AWAT1: variants seen among roughly 807,000 people sequenced by gnomAD.
AWAT1 encodes the protein diacyl-glycerol acyltransferase 2.
AWAT1 carries 26 observed loss-of-function variants against 21.6 expected under a neutral mutation model. The observed-to-expected ratio is 1.20, with a 90% confidence interval of 0.88 to 1.67. AWAT1 has a LOEUF of 1.67. Among genes scored for constraint, AWAT1 ranks in the 40% most tolerant of loss-of-function variants. The pLI is 0.00. For synonymous variants in AWAT1, 102 were observed against 99.3 expected (o/e 1.03, Z -0.16); for missense variants, 264 against 249.4 (o/e 1.06, Z -0.39).
At chrX:70,239,186 T>C (rs1165122047) in intron 5 of AWAT1, among the ~76,000 whole-genome samples, 1 of 112,588 alleles carries the variant, frequency 8.9e-6, no homozygotes, top group Admixed American at 9.4e-5. Flanking sequence ...TCTGAACCTG[T>C]ACTTCTGCAT....
At chrX:70,237,533 G>A (rs1024724138) in intron 4 of AWAT1, among the ~76,000 whole-genome samples, 28 of 109,915 alleles carry the variant, frequency 2.5e-4, no homozygotes, top group African/African-American at 9.3e-4. Context: ...GATGATGCAA[G>A]TAAAGAATTC....
chrX:70,237,323 C>T, intron 4 of AWAT1, 75 bp downstream of exon 4: 1 of 907,311 alleles, frequency 1.1e-6, no homozygotes, highest in African/African-American at 2.0e-5. Context: ...AATTCCATCC[C>T]CTCCTCCCCC....
chrX:70,237,919 G>GAA (rs375070493), intron 4 of AWAT1, among the ~76,000 whole-genome samples: 4 of 83,489 alleles, frequency 4.8e-5, no homozygotes, highest in African/African-American at 1.3e-4. Context: ...TGCTCTTAAT[G>GAA]AAAAAAAAAA....
chrX:70,238,089 T>C, intron 4 of AWAT1, 123 bp from the exon 5 acceptor site: 1 of 648,084 alleles, frequency 1.5e-6, no homozygotes, highest in Non-Finnish European at 2.3e-6. Flanking sequence ...CACTCTTTAG[T>C]CCCATCTCAT....
chrX:70,236,773 A>G (rs530137903), intron 3 of AWAT1, among the ~76,000 whole-genome samples: 1 of 111,831 alleles, frequency 8.9e-6, no homozygotes, highest in Middle Eastern at 4.6e-3. Context: ...GTGCTCATAG[A>G]CAATGATAAT....
intron 1 of AWAT1, among the ~76,000 whole-genome samples, chrX:70,235,404 A>G (rs1367343718): frequency 9.0e-6 from 1 of 110,570 alleles, no homozygotes; most frequent in East Asian, 2.8e-4. Context: ...AGACAAGAGG[A>G]AAAAGATGGT....
chrX:70,236,236 C>A, intron 3 of AWAT1, 97 bp downstream of exon 3: 1 of 701,597 alleles, frequency 1.4e-6, no homozygotes, highest in Non-Finnish European at 2.2e-6. Context: ...GATAAGTATC[C>A]CAGGGAAGTC....
In AWAT1 at chrX:70,235,706, C is replaced by T. The variant is rs2085511258; in HGVS notation, c.77-10C>T. ...CAGCACAAATTTGGTCTAACCTGGTCCCTCATCAGTTTGGATCTTGCAGCC... is the reference window on the plus strand; with the variant it reads ...CAGCACAAATTTGGTCTAACCTGGTTCCTCATCAGTTTGGATCTTGCAGCC... On this transcript the variant is annotated splice_polypyrimidine_tract_variant and intron_variant, in intron 1 of 6. Coordinates refer to ENST00000374521, the MANE Select transcript of AWAT1 (RefSeq NM_001013579.3). 1 of 1,196,842 alleles carries T rather than the reference C, an allele frequency of 8.4e-7. No homozygotes were observed. Among genetic ancestry groups the T allele is most frequent in the African/African-American group, 1.7e-5 (1 of 57,286 alleles).
rs745516238 is a variant in AWAT1, at chrX:70,236,235, C to T, written c.255+96C>T. 6.9e-4 allele frequency: 489 copies of T among 709,556 alleles called. 1 individual carries two copies. The highest frequency in any genetic ancestry group is 2.8e-3 in the Middle Eastern group (9 of 3,263). The allele number at this position is 709,556 out of a possible 1,213,427, so 58.5% of individuals were successfully genotyped here. The stretch of plus-strand genomic sequence containing the variant: ...AGTTGTCCATAAGGAAGATAAGTAT[C>T]CCAGGGAAGTCTCAGTCTATGCTAG... On this transcript the variant is annotated intron_variant, in intron 3 of 6. Transcript: ENST00000374521.
intron 3 of AWAT1, 91 bp from the exon 4 acceptor site, chrX:70,236,953 G>A (rs771164133): frequency 3.5e-6 from 3 of 849,212 alleles, no homozygotes; most frequent in Non-Finnish European, 5.1e-6. Flanking sequence ...CTCTGCTTTA[G>A]AGAGCACCCT....
chrX:70,236,871 CTTG>C, intron 3 of AWAT1, among the ~76,000 whole-genome samples, 170 bp from the exon 4 acceptor site: 1 of 111,940 alleles, frequency 8.9e-6, no homozygotes, highest in Non-Finnish European at 1.9e-5. Flanking sequence ...CAGATCCTAC[CTTG>C]TTGTCCAATG....
chrX:70,239,633 T>G (rs2085529468), intron 5 of AWAT1, 102 bp from the exon 6 acceptor site: 1 of 746,848 alleles, frequency 1.3e-6, no homozygotes, highest in Non-Finnish European at 2.1e-6. Flanking sequence ...GTCACCAGGA[T>G]TTCATCAAAA....
intron 4 of AWAT1, among the ~76,000 whole-genome samples, chrX:70,237,856 A>C (rs1246885659): frequency 2.0e-5 from 2 of 100,399 alleles, no homozygotes; most frequent in Non-Finnish European, 4.1e-5. Context: ...AAAAAAAAAA[A>C]GAATTCGACA....
intron 6 of AWAT1, 87 bp downstream of exon 6, chrX:70,240,021 G>A (rs2083089694): frequency 1.8e-6 from 2 of 1,138,353 alleles, no homozygotes; most frequent in East Asian, 6.0e-5. Flanking sequence ...GGCAGCAGAG[G>A]GGAAGGTGGG....
chrX:70,240,023 G>T (rs1281227847), intron 6 of AWAT1, 89 bp downstream of exon 6: 9 of 1,137,145 alleles, frequency 7.9e-6, no homozygotes, highest in Non-Finnish European at 4.8e-6. Context: ...CAGCAGAGGG[G>T]AAGGTGGGAG....
At position 70,238,333 on chromosome X, in the gene AWAT1, C is replaced by G; in HGVS notation, c.582C>G (p.Thr194=). The change falls in exon 5 of 7, where the codon ACC becomes ACG. Residue 194 remains threonine (T), a synonymous_variant. Coordinates refer to ENST00000374521, the MANE Select transcript of AWAT1 (RefSeq NM_001013579.3). ...EALQSVPNTT[T]LILQKRKGFV... is the part of the protein sequence containing the mutation. The stretch of plus-strand genomic sequence containing the variant: ...TGCAAAGTGTGCCCAACACCACCAC[C>G]CTCATCCTCCAGAAGCGCAAGGGGT... 8.3e-7 allele frequency: 1 copy of G among 1,208,808 alleles called. No homozygotes were observed. Among genetic ancestry groups the G allele is most frequent in the Non-Finnish European group, 1.1e-6 (1 of 893,337 alleles).
intron 5 of AWAT1, among the ~76,000 whole-genome samples, chrX:70,238,772 C>A (rs2085526076): frequency 8.9e-6 from 1 of 112,294 alleles, no homozygotes; most frequent in South Asian, 3.7e-4. Context: ...GGGACAGGTT[C>A]CTTAACCATT....
rs757167081 is a variant in AWAT1, at chrX:70,235,870, A to G, written c.184+47A>G. On this transcript the variant is annotated intron_variant, in intron 2 of 6. Coordinates refer to ENST00000374521, the MANE Select transcript of AWAT1 (RefSeq NM_001013579.3). ...AGAAGAATGTTCCATCATAACCTGC[A>G]GCCAGAGAGTCCCACTCGCCATACC... is the stretch of plus-strand genomic sequence containing the variant. 6.4e-6 allele frequency: 7 copies of G among 1,091,712 alleles called. No individual in the cohort carries two copies. The African/African-American group carries it at 9.1e-5, about 14-fold the overall frequency. The allele number at this position is 1,091,712 out of a possible 1,213,427, so 90.0% of individuals were successfully genotyped here.
At chrX:70,237,478 A>C (rs775978682) in intron 4 of AWAT1, among the ~76,000 whole-genome samples, 3 of 109,864 alleles carry the variant, frequency 2.7e-5, no homozygotes, top group South Asian at 4.0e-4. Flanking sequence ...AGTGGTACAG[A>C]TGAAAATAGT....
Sources: gnomAD v4.1 joint callset for allele counts (sites outside exome capture counted in the v4.1 genomes callset) on GRCh38, gnomAD v4.1.1 for gene constraint, MANE v1.5 for transcripts, NCBI Gene and HGNC (gene_info 2026-07-23, HGNC 2026-07-21) for gene names.